Variants in TMPRSS11A observed in about 807,000 individuals in gnomAD.
TMPRSS11A encodes transmembrane serine protease 11A.
In TMPRSS11A, 53 loss-of-function variants were observed where a neutral mutation model predicts 58.9. The ratio of observed to expected loss-of-function variants is 0.90; its 90% CI spans 0.72 to 1.13. The LOEUF is 1.13. Ranked by LOEUF, TMPRSS11A falls within the 50% of genes most tolerant of loss-of-function variation. TMPRSS11A has a pLI of 0.00. For synonymous variants in TMPRSS11A, 167 were observed against 169.8 expected, an observed-to-expected ratio of 0.98 and a Z score of 0.13; for missense variants, 493 against 499.3, an observed-to-expected ratio of 0.99 and a Z score of 0.12.
intron 1 of TMPRSS11A, among the ~76,000 whole-genome samples, chr4:67,954,783 C>T (rs1721244274): frequency 6.6e-6 from 1 of 152,130 alleles, no homozygotes; most frequent in Admixed American, 6.6e-5. Flanking sequence ...GAGTTGGCCA[C>T]TTGGTAGCTT....
At chr4:67,940,300 G>A (rs2109757010) in intron 3 of TMPRSS11A, among the ~76,000 whole-genome samples, 1 of 152,260 alleles carries the variant, frequency 6.6e-6, no homozygotes, top group African/African-American at 2.4e-5. Flanking sequence ...AGTTTCACTA[G>A]AATTGGTCCT....
intron 3 of TMPRSS11A, among the ~76,000 whole-genome samples, chr4:67,933,717 C>T (rs984644946): frequency 1.3e-4 from 20 of 152,136 alleles, no homozygotes; most frequent in African/African-American, 4.6e-4. Context: ...TCTCTCTCAT[C>T]ACCCACAGCC....
intron 8 of TMPRSS11A, among the ~76,000 whole-genome samples, chr4:67,915,231 C>T (rs1002742361): frequency 3.9e-5 from 6 of 151,984 alleles, no homozygotes; most frequent in South Asian, 2.1e-4. Flanking sequence ...ATGCATTAAA[C>T]GGCAATGATT....
chr4:67,931,356 T>G (rs1390654778), intron 4 of TMPRSS11A, among the ~76,000 whole-genome samples: 1 of 152,190 alleles, frequency 6.6e-6, no homozygotes. Flanking sequence ...TTTCTTTATC[T>G]TTAAGAAATA....
chr4:67,963,339 A>G (rs1288411918), intron 1 of TMPRSS11A, 44 bp downstream of exon 1: 3 of 1,609,980 alleles, frequency 1.9e-6, no homozygotes, highest in East Asian at 4.5e-5. Context: ...CCACTGACAG[A>G]CAGTACATCA....
intron 3 of TMPRSS11A, among the ~76,000 whole-genome samples, chr4:67,934,302 C>A (rs1230150976): frequency 6.6e-6 from 1 of 152,038 alleles, no homozygotes; most frequent in East Asian, 1.9e-4. Context: ...AAAACATGAA[C>A]ATAAGTTTTA....
chr4:67,928,943 G>A (rs1414107560), intron 5 of TMPRSS11A, among the ~76,000 whole-genome samples: 1 of 152,224 alleles, frequency 6.6e-6, no homozygotes, highest in East Asian at 1.9e-4. Flanking sequence ...CAGCTTAGCG[G>A]ACGAGGGTAA....
At chr4:67,942,999 A>G (rs1244798539) in intron 3 of TMPRSS11A, among the ~76,000 whole-genome samples, 1 of 151,654 alleles carries the variant, frequency 6.6e-6, no homozygotes, top group African/African-American at 2.4e-5. Flanking sequence ...AATACAAACA[A>G]AAGAATACCA....
At chr4:67,940,084 C>T (rs1720844862) in intron 3 of TMPRSS11A, among the ~76,000 whole-genome samples, 1 of 152,134 alleles carries the variant, frequency 6.6e-6, no homozygotes, top group Admixed American at 6.5e-5. Context: ...GAAATAAAGC[C>T]TACTTGATTT....
In TMPRSS11A at chr4:67,911,275, T is replaced by C; in HGVS notation, c.*67A>G. 6.9e-7 allele frequency: 1 copy of C among 1,453,506 alleles called. No individual in the cohort carries two copies. Among genetic ancestry groups the C allele is most frequent in the Non-Finnish European group, 9.5e-7 (1 of 1,052,864 alleles). The allele number at this position is 1,453,506 out of a possible 1,614,324, so 90.0% of individuals were successfully genotyped here. A position where few individuals can be genotyped will look rare whatever the true frequency, so the allele number is the denominator to read the frequency against. ...TATCACTTTGTTGTACTACACCCACTAAATAGTTGAATTCTCATGCATATA... is the reference window on the plus strand; with the variant it reads ...TATCACTTTGTTGTACTACACCCACCAAATAGTTGAATTCTCATGCATATA... On this transcript the variant is annotated 3_prime_UTR_variant, in exon 10 of 10. Coordinates refer to ENST00000508048, the MANE Select transcript of TMPRSS11A (RefSeq NM_001114387.2).
intron 3 of TMPRSS11A, among the ~76,000 whole-genome samples, chr4:67,939,621 A>C (rs1229966833): frequency 6.6e-6 from 1 of 152,100 alleles, no homozygotes. Context: ...TTTATTATGA[A>C]GGGATGTTTA....
chr4:67,941,145 C>T (rs1720871745), intron 3 of TMPRSS11A, among the ~76,000 whole-genome samples: 1 of 152,182 alleles, frequency 6.6e-6, no homozygotes, highest in Non-Finnish European at 1.5e-5. Context: ...TTTTGCATCT[C>T]AATTTGCATT....
chr4:67,959,589 A>G (rs1721374523), intron 1 of TMPRSS11A, among the ~76,000 whole-genome samples: 1 of 152,216 alleles, frequency 6.6e-6, no homozygotes, highest in Non-Finnish European at 1.5e-5. Flanking sequence ...AACAAACATG[A>G]AAAAATGCTC....
chr4:67,935,966 T>G (rs1221662076), intron 3 of TMPRSS11A, among the ~76,000 whole-genome samples: 2 of 152,126 alleles, frequency 1.3e-5, no homozygotes, highest in Non-Finnish European at 2.9e-5. Flanking sequence ...CAGATGTCAT[T>G]GTGTTTGAGC....
At chr4:67,958,095 G>C (rs1253797301) in intron 1 of TMPRSS11A, among the ~76,000 whole-genome samples, 4 of 152,210 alleles carry the variant, frequency 2.6e-5, no homozygotes, top group African/African-American at 9.6e-5. Flanking sequence ...AGTCCAGGAA[G>C]AAGTTTGGTA....
Position 67,962,635 on chromosome 4 carries a change from A to C in TMPRSS11A, c.11+748T>G, listed in dbSNP as rs561599129. Among the ~76,000 whole-genome samples, 4 of 152,348 alleles carry C rather than the reference A, an allele frequency of 2.6e-5. No homozygotes were observed. The South Asian group carries it at 8.3e-4, about 32-fold the overall frequency. The stretch of plus-strand genomic sequence containing the variant: ...AATAACATACATAAAGATGTTTCAA[A>C]AATAGTACAAGTCTAAACAATGGTG... On this transcript the variant is annotated intron_variant, in intron 1 of 9. Coordinates refer to ENST00000508048, the MANE Select transcript of TMPRSS11A (RefSeq NM_001114387.2).
chr4:67,913,595 G>A (rs1720063000), intron 9 of TMPRSS11A, among the ~76,000 whole-genome samples: 1 of 152,156 alleles, frequency 6.6e-6, no homozygotes, highest in Non-Finnish European at 1.5e-5. Context: ...CCCCGGTCCT[G>A]TCTGCTCCAA....
At chr4:67,936,674 A>C (rs1720762606) in intron 3 of TMPRSS11A, among the ~76,000 whole-genome samples, 1 of 152,178 alleles carries the variant, frequency 6.6e-6, no homozygotes, top group Admixed American at 6.5e-5. Context: ...TTCTTTGTGG[A>C]ATGTCAGAAA....
At chr4:67,938,438 T>C (rs1720805155) in intron 3 of TMPRSS11A, among the ~76,000 whole-genome samples, 1 of 152,214 alleles carries the variant, frequency 6.6e-6, no homozygotes, top group African/African-American at 2.4e-5. Flanking sequence ...ATTTTTGTTT[T>C]TGTTGCAGTT....
Sources: gnomAD v4.1 joint callset for allele counts (sites outside exome capture counted in the v4.1 genomes callset) on GRCh38, gnomAD v4.1.1 for gene constraint, MANE v1.5 for transcripts, NCBI Gene and HGNC (gene_info 2026-07-23, HGNC 2026-07-21) for gene names.